The following SLC9C1 variants were observed in gnomAD, a reference collection of about 807,000 sequenced individuals.
SLC9C1 encodes solute carrier family 9 member C1, also known as sodium/hydrogen exchanger 10.
Under a neutral mutation model 140.9 loss-of-function variants are expected in SLC9C1, and 97 were observed. The ratio of observed to expected loss-of-function variants is 0.69; its 90% confidence interval spans 0.58 to 0.82. The LOEUF (loss-of-function observed/expected upper bound fraction) is 0.82, where lower values mean the gene tolerates loss of function less well. Among genes scored for constraint, SLC9C1 ranks in the 40% least tolerant of loss-of-function variants. The pLI is 0.00. For synonymous variants in SLC9C1, 440 were observed against 442.6 expected, an observed-to-expected ratio of 0.99 and a Z score of 0.07; for missense variants, 1,340 against 1,389.3, an observed-to-expected ratio of 0.96 and a Z score of 0.56.
chr3:112,161,194 C>A (rs1002396252), intron 26 of SLC9C1, among the ~76,000 whole-genome samples: 1 of 152,018 alleles, frequency 6.6e-6, no homozygotes, highest in Non-Finnish European at 1.5e-5. Context: ...GAGTAGGTTG[C>A]GAAAATTTTC....
intron 25 of SLC9C1, among the ~76,000 whole-genome samples, chr3:112,168,037 C>T (rs2077172567): frequency 6.6e-6 from 1 of 152,174 alleles, no homozygotes; most frequent in African/African-American, 2.4e-5. Flanking sequence ...ATTCCCATTA[C>T]ACTTTTTTCT....
At chr3:112,180,421 G>T (rs2077417208) in intron 22 of SLC9C1, 143 bp downstream of exon 22, 2 of 527,656 alleles carry the variant, frequency 3.8e-6, no homozygotes, top group Non-Finnish European at 6.6e-6. Context: ...TACTTGGGAG[G>T]CTGAGGCAGG....
chr3:112,211,478 G>A (rs930898885), intron 15 of SLC9C1, among the ~76,000 whole-genome samples: 3 of 152,232 alleles, frequency 2.0e-5, no homozygotes, highest in Admixed American at 6.5e-5. Flanking sequence ...TGTGACAGAT[G>A]AAATCTGGAA....
At chr3:112,158,711 G>C in intron 26 of SLC9C1, among the ~76,000 whole-genome samples, 1 of 151,750 alleles carries the variant, frequency 6.6e-6, no homozygotes, top group East Asian at 1.9e-4. Context: ...TTATGGGTCT[G>C]TACAGGTGTT....
chr3:112,182,422 CATT>C (rs1408420726), intron 20 of SLC9C1, among the ~76,000 whole-genome samples, 164 bp from the exon 21 acceptor site: 2 of 152,040 alleles, frequency 1.3e-5, no homozygotes, highest in Non-Finnish European at 2.9e-5. Context: ...TTTGTATCAT[CATT>C]ATTTTTATTT....
intron 15 of SLC9C1, among the ~76,000 whole-genome samples, chr3:112,215,270 C>G (rs1025387458): frequency 6.6e-6 from 1 of 152,176 alleles, no homozygotes; most frequent in Non-Finnish European, 1.5e-5. Flanking sequence ...TGGGCAAAAA[C>G]TGAAAGCATT....
chr3:112,282,685 A>T (rs191295221), intron 2 of SLC9C1, among the ~76,000 whole-genome samples: 144 of 152,082 alleles, frequency 9.5e-4, no homozygotes, highest in Admixed American at 1.9e-3. Flanking sequence ...AACTGCATTG[A>T]TGTGGTTAAA....
intron 26 of SLC9C1, among the ~76,000 whole-genome samples, chr3:112,156,200 C>A (rs1339714494): frequency 6.6e-6 from 1 of 152,082 alleles, no homozygotes; most frequent in Non-Finnish European, 1.5e-5. Flanking sequence ...GTACTCTATA[C>A]TTCTATGAGA....
At chr3:112,277,488 T>C (rs1032740355) in intron 5 of SLC9C1, among the ~76,000 whole-genome samples, 10 of 152,100 alleles carry the variant, frequency 6.6e-5, no homozygotes, top group African/African-American at 2.2e-4. Context: ...TTGCGTATAA[T>C]ACTTTTTTTG....
Position 112,217,557 on chromosome 3 carries a change from T to C in SLC9C1, c.1675A>G (p.Met559Val), listed in dbSNP as rs572876944. 13 of 1,575,996 alleles carry C rather than the reference T, an allele frequency of 8.2e-6. No homozygotes were observed. The East Asian group carries it at 2.5e-4, about 30-fold the overall frequency. The stretch of plus-strand genomic sequence containing the variant: ...TAATTCTTTATTGTATCAAGACTCA[T>C]ACATCTAGAAAAAGAGAGAAATCTT... ...ESFGEKKGKCMSLDTIKNYSE... is the reference protein window; with the variant it reads ...ESFGEKKGKCVSLDTIKNYSE... The change falls in exon 15 of 29, where the codon ATG becomes GTG. Residue 559 changes from methionine (M) to valine (V), a missense_variant. Coordinates refer to ENST00000305815, the MANE Select transcript of SLC9C1 (RefSeq NM_183061.3).
chr3:112,153,848 C>G (rs1297021039), intron 27 of SLC9C1, among the ~76,000 whole-genome samples: 1 of 152,162 alleles, frequency 6.6e-6, no homozygotes, highest in Non-Finnish European at 1.5e-5. Flanking sequence ...GCCATGAATT[C>G]CATTCAACAG....
intron 26 of SLC9C1, 79 bp from the exon 27 acceptor site, chr3:112,155,128 A>G (rs1251159269): frequency 1.6e-6 from 2 of 1,259,308 alleles, no homozygotes; most frequent in Non-Finnish European, 2.2e-6. Context: ...CTATCAGATT[A>G]GATCAGATTC....
chr3:112,178,319 T>G (rs950356849), intron 23 of SLC9C1, among the ~76,000 whole-genome samples: 3 of 151,890 alleles, frequency 2.0e-5, no homozygotes, highest in Non-Finnish European at 4.4e-5. Flanking sequence ...TTTTTTTTAT[T>G]TTTTGCAGAT....
chr3:112,156,571 T>C (rs2075133423), intron 26 of SLC9C1, among the ~76,000 whole-genome samples: 1 of 152,046 alleles, frequency 6.6e-6, no homozygotes, highest in South Asian at 2.1e-4. Context: ...GTAATTCTCG[T>C]TTTAGTTTAT....
At chr3:112,224,921 T>C (rs1322727578) in intron 13 of SLC9C1, among the ~76,000 whole-genome samples, 1 of 152,040 alleles carries the variant, frequency 6.6e-6, no homozygotes, top group Non-Finnish European at 1.5e-5. Context: ...GTTATCATTA[T>C]GGGAATTTAA....
chr3:112,245,030 T>A (rs1210713248), intron 10 of SLC9C1, among the ~76,000 whole-genome samples: 1 of 152,186 alleles, frequency 6.6e-6, no homozygotes, highest in Non-Finnish European at 1.5e-5. Flanking sequence ...CTCAATCCTA[T>A]CAAGATGCAA....
chr3:112,172,076 G>T (rs2077257529), intron 23 of SLC9C1, among the ~76,000 whole-genome samples: 1 of 151,976 alleles, frequency 6.6e-6, no homozygotes, highest in Non-Finnish European at 1.5e-5. Context: ...GCCTATTATA[G>T]GTCCTCTGCA....
At chr3:112,248,992 A>G in intron 10 of SLC9C1, among the ~76,000 whole-genome samples, 1 of 152,106 alleles carries the variant, frequency 6.6e-6, no homozygotes, top group South Asian at 2.1e-4. Context: ...TGTGTTGAAC[A>G]GGAATGGTGA....
intron 13 of SLC9C1, among the ~76,000 whole-genome samples, chr3:112,224,558 A>C (rs1201258446): frequency 6.6e-6 from 1 of 151,262 alleles, no homozygotes; most frequent in East Asian, 2.0e-4. Context: ...ATCGAAAAGC[A>C]ATTCATTATG....
Sources: gnomAD v4.1 joint callset for allele counts (sites outside exome capture counted in the v4.1 genomes callset) on GRCh38, gnomAD v4.1.1 for gene constraint, MANE v1.5 for transcripts, NCBI Gene and HGNC (gene_info 2026-07-23, HGNC 2026-07-21) for gene names.